Variants in PGBD5 observed in about 807,000 individuals in gnomAD.
PGBD5 encodes piggyBac transposable element derived 5.
PGBD5 carries 14 observed loss-of-function variants against 47.9 expected under a neutral mutation model. The observed-to-expected ratio is 0.29, with a 90% CI of 0.19 to 0.46. PGBD5 has a LOEUF of 0.46. Ranked by LOEUF, PGBD5 falls within the 20% of genes least tolerant of loss-of-function variation. The probability of loss-of-function intolerance (pLI) is 1.00; values close to 1 mark genes in which losing one functional copy is unlikely to be tolerated. For synonymous variants in PGBD5, 316 were observed against 306.3 expected, an observed-to-expected ratio of 1.03 and a Z score of -0.33; for missense variants, 635 against 716.0, an observed-to-expected ratio of 0.89 and a Z score of 1.29.
intron 3 of PGBD5, among the ~76,000 whole-genome samples, chr1:230,344,280 G>A (rs144643210): frequency 0.026 from 3,945 of 151,368 alleles, 62 homozygotes; most frequent in Middle Eastern, 0.041. Flanking sequence ...GGGAGACTCC[G>A]TCTCCAAAAA....
At chr1:230,330,535 C>CA (rs766106178) in intron 5 of PGBD5, among the ~76,000 whole-genome samples, 14 of 150,052 alleles carry the variant, frequency 9.3e-5, no homozygotes, top group Non-Finnish European at 1.9e-4. Context: ...TCTCTTCATG[C>CA]AAAAAAGAAC....
At chr1:230,386,124 C>T (rs774047681) in intron 1 of PGBD5, among the ~76,000 whole-genome samples, 5 of 152,010 alleles carry the variant, frequency 3.3e-5, no homozygotes, top group Non-Finnish European at 7.4e-5. Flanking sequence ...CTCAGGAGTT[C>T]GAGACTAGCC....
At chr1:230,393,782 G>A (rs1571855579) in intron 1 of PGBD5, among the ~76,000 whole-genome samples, 3 of 140,022 alleles carry the variant, frequency 2.1e-5, no homozygotes, top group Middle Eastern at 4.1e-3. Context: ...CGGAGATCGC[G>A]CCACAGCACT....
intron 1 of PGBD5, among the ~76,000 whole-genome samples, chr1:230,415,381 C>T (rs931020702): frequency 2.0e-5 from 3 of 152,224 alleles, no homozygotes; most frequent in African/African-American, 7.2e-5. Context: ...TATCCTGATC[C>T]TTTATATTCT....
intron 1 of PGBD5, among the ~76,000 whole-genome samples, chr1:230,372,300 T>C (rs1039245900): frequency 1.3e-5 from 2 of 152,190 alleles, no homozygotes; most frequent in African/African-American, 4.8e-5. Flanking sequence ...AATTTTTCTG[T>C]ATTCTCTTCC....
intron 5 of PGBD5, among the ~76,000 whole-genome samples, chr1:230,331,376 AC>A (rs1667212411): frequency 6.6e-6 from 1 of 152,118 alleles, no homozygotes; most frequent in South Asian, 2.1e-4. Flanking sequence ...TGATAGCACC[AC>A]TGCACTCCAG....
At chr1:230,349,426 T>C (rs1667527033) in intron 3 of PGBD5, among the ~76,000 whole-genome samples, 1 of 151,512 alleles carries the variant, frequency 6.6e-6, no homozygotes, top group Non-Finnish European at 1.5e-5. Context: ...TCCCAGCTAC[T>C]TGAGAGGCTG....
chr1:230,387,926 T>C (rs1438082996), intron 1 of PGBD5, among the ~76,000 whole-genome samples: 1 of 152,086 alleles, frequency 6.6e-6, no homozygotes, highest in African/African-American at 2.4e-5. Context: ...CGTGGAGGGA[T>C]GTGGCAGCAA....
Position 230,325,430 on chromosome 1 carries a change from C to A in PGBD5, c.1274-15G>T. Reference sequence around the variant, plus strand: ...GATGATGACTCCTGAAGGCGAGAGACAAGATAAGCCCCTTCCTCAGCACCT... The same window carrying A: ...GATGATGACTCCTGAAGGCGAGAGAAAAGATAAGCCCCTTCCTCAGCACCT... On this transcript the variant is annotated splice_polypyrimidine_tract_variant and intron_variant, in intron 5 of 6. Coordinates refer to ENST00000391860, the MANE Select transcript of PGBD5 (RefSeq NM_001258311.2). 2.5e-6 allele frequency: 4 copies of A among 1,588,138 alleles called. No individual in the cohort carries two copies. Among genetic ancestry groups the A allele is most frequent in the Non-Finnish European group, 3.5e-6 (4 of 1,158,422 alleles).
chr1:230,397,952 T>C (rs1271822075), intron 1 of PGBD5, among the ~76,000 whole-genome samples: 1 of 152,214 alleles, frequency 6.6e-6, no homozygotes, highest in Non-Finnish European at 1.5e-5. Flanking sequence ...ACCCAACTGG[T>C]GGCTGTGCCC....
chr1:230,365,886 A>C (rs1181216443), intron 1 of PGBD5, among the ~76,000 whole-genome samples: 1 of 152,240 alleles, frequency 6.6e-6, no homozygotes, highest in Non-Finnish European at 1.5e-5. Flanking sequence ...GTTTACACAG[A>C]TGGAACAAAG....
intron 1 of PGBD5, among the ~76,000 whole-genome samples, chr1:230,415,552 T>C (rs1202337494): frequency 6.6e-6 from 1 of 152,228 alleles, no homozygotes; most frequent in African/African-American, 2.4e-5. Flanking sequence ...GCTTCCTGTC[T>C]GCTGCCTGGC....
intron 1 of PGBD5, among the ~76,000 whole-genome samples, chr1:230,385,543 T>C (rs891452811): frequency 6.6e-6 from 1 of 152,166 alleles, no homozygotes; most frequent in Non-Finnish European, 1.5e-5. Context: ...TCAAGGCTGA[T>C]TTCTGCCTCA....
intron 1 of PGBD5, among the ~76,000 whole-genome samples, chr1:230,374,935 G>C (rs988872446): frequency 4.6e-5 from 7 of 152,042 alleles, no homozygotes; most frequent in Admixed American, 3.3e-4. Flanking sequence ...GAGCAGGCAT[G>C]GGGTCCAGGC....
intron 1 of PGBD5, among the ~76,000 whole-genome samples, chr1:230,407,618 G>GTT (rs1169348782): frequency 6.6e-6 from 1 of 152,122 alleles, no homozygotes; most frequent in Non-Finnish European, 1.5e-5. Flanking sequence ...TCATGAGAGC[G>GTT]TAAGTGTTCC....
Position 230,321,754 on chromosome 1 carries a change from A to T in PGBD5, c.*1671T>A, listed in dbSNP as rs1375927213. On this transcript the variant is annotated 3_prime_UTR_variant, in exon 7 of 7. Transcript: ENST00000391860. The stretch of plus-strand genomic sequence containing the variant: ...AGTGTTGGAAACACATTAAACTCAG[A>T]AATAGTGGACCTTGTAGAAAAGCAT... The T allele has an allele frequency of 6.5e-6, 1 of 152,680 alleles. No homozygotes were observed. The highest frequency in any genetic ancestry group is 1.9e-4 in the East Asian group (1 of 5,206). 9.5% of individuals were successfully genotyped at this position (152,680 alleles called of 1,614,324 possible).
rs1666944310 is a variant in PGBD5, at chr1:230,316,131, T to TAA, written c.*7293_*7294insTT. The TAA allele has an allele frequency of 4.0e-5, 6 of 151,254 alleles. No homozygotes were observed. Among genetic ancestry groups the TAA allele is most frequent in the Admixed American group, 2.0e-4 (3 of 15,196 alleles). 9.4% of individuals were successfully genotyped at this position (151,254 alleles called of 1,614,324 possible). On this transcript the variant is annotated 3_prime_UTR_variant, in exon 7 of 7. Transcript: ENST00000391860. ...GTACACATATATCTATGTGTATACA[T>TAA]ACATATGTATATGTGTACACATATA...
chr1:230,418,319 C>G (rs933209491), intron 1 of PGBD5, among the ~76,000 whole-genome samples: 1 of 152,114 alleles, frequency 6.6e-6, no homozygotes, highest in African/African-American at 2.4e-5. Flanking sequence ...AACTGTAGTA[C>G]AGTTGTACAG....
intron 1 of PGBD5, among the ~76,000 whole-genome samples, chr1:230,408,973 G>C (rs1190650057): frequency 6.6e-6 from 1 of 152,114 alleles, no homozygotes; most frequent in African/African-American, 2.4e-5. Context: ...GACTATATAA[G>C]GAATATTCGG....
Sources: allele counts gnomAD v4.1 joint callset (sites outside exome capture counted in the v4.1 genomes callset), GRCh38; gene constraint gnomAD v4.1.1; transcripts MANE v1.5; gene names NCBI Gene and HGNC (gene_info 2026-07-23, HGNC 2026-07-21).